LUZP2: variants seen among roughly 807,000 people sequenced by gnomAD.
LUZP2 encodes leucine zipper protein 2.
In LUZP2, 52 loss-of-function variants were observed where a neutral mutation model predicts 51.6. That is an observed-to-expected ratio of 1.01 (90% CI 0.81 to 1.27). The LOEUF is 1.27. Ranked by LOEUF, LUZP2 falls within the 50% of genes most tolerant of loss-of-function variation. The pLI is 0.00. For missense variants in LUZP2, 436 were observed against 395.4 expected (o/e 1.10, Z -0.87); for synonymous variants, 154 against 137.3 (o/e 1.12, Z -0.85).
At chr11:24,648,834 A>G (rs1411679439) in intron 1 of LUZP2, among the ~76,000 whole-genome samples, 1 of 152,038 alleles carries the variant, frequency 6.6e-6, no homozygotes, top group Non-Finnish European at 1.5e-5. Context: ...TTGGTGCAAA[A>G]GTAATTGCAG....
At chr11:24,522,007 T>A (rs891167206) in intron 1 of LUZP2, among the ~76,000 whole-genome samples, 3 of 152,156 alleles carry the variant, frequency 2.0e-5, no homozygotes, top group Non-Finnish European at 4.4e-5. Flanking sequence ...TAGGGAAACC[T>A]GTTTTGAATA....
chr11:24,674,667 T>A (rs1212025434), intron 1 of LUZP2, among the ~76,000 whole-genome samples: 7 of 152,126 alleles, frequency 4.6e-5, no homozygotes, highest in Non-Finnish European at 2.9e-5. Flanking sequence ...TTCCCCTGTA[T>A]TCCTAAACAA....
At chr11:25,029,554 T>C (rs1264087306) in intron 9 of LUZP2, among the ~76,000 whole-genome samples, 1 of 152,000 alleles carries the variant, frequency 6.6e-6, no homozygotes. Context: ...CTGGCCAACA[T>C]GGTGAAACCC....
chr11:25,057,124 A>G (rs1858712413), intron 10 of LUZP2, among the ~76,000 whole-genome samples: 1 of 152,124 alleles, frequency 6.6e-6, no homozygotes. Context: ...ATATAAATAT[A>G]TAGATATTAA....
intron 1 of LUZP2, among the ~76,000 whole-genome samples, chr11:24,515,225 G>A (rs1466832575): frequency 6.6e-6 from 1 of 152,066 alleles, no homozygotes; most frequent in Non-Finnish European, 1.5e-5. Context: ...CGTATACTGT[G>A]CCTAGCATGT....
chr11:24,780,000 G>A (rs1342712053), intron 5 of LUZP2, among the ~76,000 whole-genome samples: 7 of 151,768 alleles, frequency 4.6e-5, no homozygotes, highest in Admixed American at 4.6e-4. Context: ...GCCTCTGGAG[G>A]GAGCTCAACA....
At chr11:24,603,202 G>A (rs1403716038) in intron 1 of LUZP2, among the ~76,000 whole-genome samples, 1 of 151,714 alleles carries the variant, frequency 6.6e-6, no homozygotes, top group South Asian at 2.1e-4. Context: ...CCCAAGATGA[G>A]GATGAAGTGG....
intron 1 of LUZP2, among the ~76,000 whole-genome samples, chr11:24,532,194 T>C (rs1851026270): frequency 6.6e-6 from 1 of 151,058 alleles, no homozygotes; most frequent in Non-Finnish European, 1.5e-5. Context: ...TACCAATTAC[T>C]AGACATACTA....
At chr11:24,831,310 C>T (rs11028199) in intron 5 of LUZP2, among the ~76,000 whole-genome samples, 26,717 of 152,160 alleles carry the variant, frequency 0.18, 2,437 homozygotes, top group East Asian at 0.24. Flanking sequence ...ACACTTTGTC[C>T]AGGGAAGTTT....
intron 5 of LUZP2, among the ~76,000 whole-genome samples, chr11:24,827,142 A>G (rs1385628737): frequency 6.6e-6 from 1 of 152,200 alleles, no homozygotes; most frequent in Non-Finnish European, 1.5e-5. Context: ...TTGAATGGCC[A>G]ATTTTAAATC....
At chr11:24,791,698 G>A (rs1421386232) in intron 5 of LUZP2, among the ~76,000 whole-genome samples, 2 of 151,874 alleles carry the variant, frequency 1.3e-5, no homozygotes, top group East Asian at 1.9e-4. Flanking sequence ...TGATTATTTT[G>A]AATAAATAAC....
At chr11:24,680,973 A>C (rs35658468) in intron 1 of LUZP2, among the ~76,000 whole-genome samples, 66 of 113,646 alleles carry the variant, frequency 5.8e-4, no homozygotes, top group African/African-American at 9.6e-4. Context: ...TTCTTTCTTT[A>C]TTTTTTTTTT....
chr11:25,042,959 T>C (rs1249527011), intron 9 of LUZP2, among the ~76,000 whole-genome samples: 1 of 152,198 alleles, frequency 6.6e-6, no homozygotes, highest in Non-Finnish European at 1.5e-5. Context: ...TAATGTTAAA[T>C]GAAGTCATAA....
chr11:24,926,591 G>GTGTATATATGTGTGTATATATGTA, intron 7 of LUZP2, among the ~76,000 whole-genome samples: 1 of 146,032 alleles, frequency 6.8e-6, no homozygotes, highest in Non-Finnish European at 1.5e-5. Flanking sequence ...ATATATGTGT[G>GTGTATATATGTGTGTATATATGTA]TATATATATG....
rs181817632 is a variant in LUZP2 at position 24,869,580 on chromosome 11, C to A, written c.397-36411C>A. ...CAAGTGATTCTCCTGCCTCAGCCTC[C>A]CAAGTAGCTGGGATTACAGGGTCCA... On this transcript the variant is annotated intron_variant, in intron 5 of 11. Coordinates refer to ENST00000336930, the MANE Select transcript of LUZP2 (RefSeq NM_001009909.4). Among the ~76,000 whole-genome samples, 20 of 152,074 alleles carry A rather than the reference C, an allele frequency of 1.3e-4. No individual in the cohort carries two copies. In the East Asian group the frequency reaches 3.9e-3, roughly 29 times the overall value.
intron 1 of LUZP2, among the ~76,000 whole-genome samples, chr11:24,694,157 TC>T (rs1857166220): frequency 6.6e-6 from 1 of 152,058 alleles, no homozygotes; most frequent in Non-Finnish European, 1.5e-5. Context: ...GCTCTAAGCT[TC>T]TTAAACCTTC....
intron 10 of LUZP2, among the ~76,000 whole-genome samples, chr11:25,076,202 G>A (rs962793518): frequency 1.4e-5 from 2 of 142,536 alleles, no homozygotes; most frequent in Non-Finnish European, 3.1e-5. Flanking sequence ...TTTTGTTCTT[G>A]TTTTCGTTTT....
intron 9 of LUZP2, among the ~76,000 whole-genome samples, chr11:25,005,202 G>T (rs995128148): frequency 1.3e-5 from 2 of 152,086 alleles, no homozygotes; most frequent in Non-Finnish European, 2.9e-5. Flanking sequence ...TCCCTTCTGG[G>T]CTGGGGAGAT....
At chr11:24,702,503 C>T (rs774212397) in intron 1 of LUZP2, among the ~76,000 whole-genome samples, 65 of 152,150 alleles carry the variant, frequency 4.3e-4, no homozygotes, top group Admixed American at 2.5e-3. Context: ...AGTGAGCTTA[C>T]AATCATGGCA....
Sources: allele counts gnomAD v4.1 joint callset (sites outside exome capture counted in the v4.1 genomes callset), GRCh38; gene constraint gnomAD v4.1.1; transcripts MANE v1.5; gene names NCBI Gene and HGNC (gene_info 2026-07-23, HGNC 2026-07-21).